MROH1: variants seen among roughly 807,000 people sequenced by gnomAD.
MROH1 encodes the protein maestro heat-like repeat-containing protein family member 1.
MROH1 carries 117 observed loss-of-function variants against 116.5 expected under a neutral mutation model. That is an observed-to-expected ratio of 1.00 (90% CI 0.86 to 1.17). The LOEUF (loss-of-function observed/expected upper bound fraction) is 1.17, where lower values mean the gene tolerates loss of function less well. MROH1 is among the 50% of genes most tolerant of loss of function. MROH1 has a pLI of 0.00. For missense variants in MROH1, 1,873 were observed against 1,338.5 expected (o/e 1.40, Z -6.23); for synonymous variants, 921 against 583.9 (o/e 1.58, Z -8.32).
chr8:144,190,842 A>G lies in MROH1; in HGVS notation c.621A>G (p.Pro207=). ...ACCTAGCCAACCTGGACCGAGCCCC[A>G]GACCCCACGGTCAGGAAGGACGCCT... ...LEYLANLDRA[P]DPTVRKDAFA... is the part of the protein sequence containing the mutation. Residue 207 remains proline, a synonymous_variant, in exon 8 of 44, where the codon CCA becomes CCG. Coordinates refer to ENST00000326134, the MANE Select transcript of MROH1 (RefSeq NM_032450.3). The G allele has an allele frequency of 6.2e-7, 1 of 1,613,810 alleles. No homozygotes were observed. Among genetic ancestry groups the G allele is most frequent in the Non-Finnish European group, 8.5e-7 (1 of 1,179,866 alleles).
intron 3 of MROH1, among the ~76,000 whole-genome samples, chr8:144,166,376 G>A (rs1309128917): frequency 1.3e-5 from 2 of 152,196 alleles, no homozygotes; most frequent in South Asian, 2.1e-4. Context: ...TGCTCGGAGC[G>A]GGAGGCTCCC....
chr8:144,224,011 C>G (rs559626910), intron 14 of MROH1, among the ~76,000 whole-genome samples: 1 of 152,340 alleles, frequency 6.6e-6, no homozygotes, highest in Non-Finnish European at 1.5e-5. Flanking sequence ...CGCACACATG[C>G]CTGTTCTGCA....
chr8:144,240,650 C>T lies in MROH1; in HGVS notation c.1908C>T (p.Pro636=). ...QLSLELCRQL[P]CYDEAPQEKN... The stretch of plus-strand genomic sequence containing the variant: ...GCCTGGAGCTGTGCAGGCAGCTGCC[C>T]TGCTACGATGAGGCACCCCAGGAGA... The change falls in exon 20 of 44, where the codon CCC becomes CCT. Residue 636 remains proline, a synonymous_variant. Transcript: ENST00000326134. The T allele has an allele frequency of 1.4e-6, 1 of 717,402 alleles. No individual in the cohort carries two copies. Among genetic ancestry groups the T allele is most frequent in the Admixed American group, 2.0e-5 (1 of 50,020 alleles). The allele number at this position is 717,402 out of a possible 1,614,324, so 44.4% of individuals were successfully genotyped here.
At position 144,244,463 on chromosome 8, in the gene MROH1, T is replaced by C; in HGVS notation, c.2690T>C (p.Leu897Pro). 1.3e-6 allele frequency: 1 copy of C among 769,630 alleles called. No homozygotes were observed. The highest frequency in any genetic ancestry group is 2.4e-6 in the Non-Finnish European group (1 of 412,838). 47.7% of individuals were successfully genotyped at this position (769,630 alleles called of 1,614,324 possible). The change falls in exon 28 of 44, where the codon CTG (leucine) becomes CCG (proline). Residue 897 changes from leucine (L) to proline (P), a missense_variant. Coordinates refer to ENST00000326134, the MANE Select transcript of MROH1 (RefSeq NM_032450.3). The part of the protein sequence containing the change: ...GCQKSLYLET[L>P]HALEDLLTSL... ...TTCCAGTCCCTGTATCTGGAGACAC[T>C]GCACGCCCTTGAGGATCTGCTGACG... is the stretch of plus-strand genomic sequence containing the variant.
In MROH1 at chr8:144,241,396, G is replaced by A. The variant is rs1840958236; in HGVS notation, c.2057G>A (p.Gly686Asp). Residue 686 changes from glycine to aspartate, a missense_variant and splice_region_variant, in exon 22 of 44, where the codon GGC becomes GAC. Transcript: ENST00000326134. ...CGGGGTAAGTGTGCTGCCCCCCAGG[G>A]CCTCGCCTGCTGCTTCGGGATCTGT... ...ARYQEEAERE[G>D]LACCFGICAI... 1 of 775,556 alleles carries A rather than the reference G, an allele frequency of 1.3e-6. No homozygotes were observed. Among genetic ancestry groups the A allele is most frequent in the Non-Finnish European group, 2.4e-6 (1 of 416,460 alleles). 48.0% of individuals were successfully genotyped at this position (775,556 alleles called of 1,614,324 possible).
intron 1 of MROH1, among the ~76,000 whole-genome samples, chr8:144,160,499 C>T (rs1229366319): frequency 1.3e-5 from 2 of 152,262 alleles, no homozygotes; most frequent in Non-Finnish European, 2.9e-5. Context: ...TTATCACAAA[C>T]TTAGTGCCTT....
chr8:144,258,956 C>T (rs1844445168), intron 36 of MROH1, 42 bp downstream of exon 36: 2 of 697,610 alleles, frequency 2.9e-6, no homozygotes, highest in Non-Finnish European at 5.3e-6. Flanking sequence ...ACTGGCTGGG[C>T]TCCACCGGAT....
At chr8:144,196,539 TAGAGAC>T (rs1829947619) in intron 10 of MROH1, among the ~76,000 whole-genome samples, 1 of 151,386 alleles carries the variant, frequency 6.6e-6, no homozygotes, top group Admixed American at 6.6e-5. Context: ...GTATTTTTAA[TAGAGAC>T]AGGGTTTCAC....
rs976703724 is a variant in MROH1, at chr8:144,261,843, G to A, written c.*103G>A. On this transcript the variant is annotated 3_prime_UTR_variant, in exon 44 of 44. Coordinates refer to ENST00000326134, the MANE Select transcript of MROH1 (RefSeq NM_032450.3). Reference sequence around the variant, plus strand: ...CACAGCCTGGGCACACGACTGGAGGGGCCTGGCCCCAGAACAGGCACTGCT... The same window carrying A: ...CACAGCCTGGGCACACGACTGGAGGAGCCTGGCCCCAGAACAGGCACTGCT... 2.2e-5 allele frequency: 15 copies of A among 696,300 alleles called. No homozygotes were observed. Among genetic ancestry groups the A allele is most frequent in the Non-Finnish European group, 3.7e-5 (14 of 382,650 alleles). 43.1% of individuals were successfully genotyped at this position (696,300 alleles called of 1,614,324 possible). A position where few individuals can be genotyped will look rare whatever the true frequency, so the allele number is the denominator to read the frequency against.
chr8:144,179,223 C>T lies in MROH1; in HGVS notation c.169-232C>T, dbSNP rs1824897835. On this transcript the variant is annotated intron_variant, in intron 4 of 43. Transcript: ENST00000326134. ...GAGAAGCCCCCCGCCTCGCCCTCTG[C>T]ATGTTGGTTGTCTGGCGCAGGATAA... is the stretch of plus-strand genomic sequence containing the variant. Among the ~76,000 whole-genome samples, 3 of 152,164 alleles carry T rather than the reference C, an allele frequency of 2.0e-5. No individual in the cohort carries two copies. The South Asian group carries it at 6.2e-4, about 32-fold the overall frequency.
Position 144,259,354 on chromosome 8 carries a change from G to A in MROH1, c.4044G>A (p.Glu1348=). ...QRVTTTAFLA[E]LLNSNVANDL... is the part of the protein sequence containing the mutation. Reference sequence around the variant, plus strand: ...TGACCACCACCGCCTTCCTGGCCGAGGTAGGCCCTTCCAGGGACGGATGCT... The same window carrying A: ...TGACCACCACCGCCTTCCTGGCCGAAGTAGGCCCTTCCAGGGACGGATGCT... The change falls in exon 37 of 44, where the codon GAG becomes GAA. Residue 1348 remains glutamate (E), a splice_region_variant and synonymous_variant. Coordinates refer to ENST00000326134, the MANE Select transcript of MROH1 (RefSeq NM_032450.3). 1.4e-6 allele frequency: 1 copy of A among 715,068 alleles called. No homozygotes were observed. Among genetic ancestry groups the A allele is most frequent in the South Asian group, 1.5e-5 (1 of 67,502 alleles). 44.3% of individuals were successfully genotyped at this position (715,068 alleles called of 1,614,324 possible).
chr8:144,187,003 CAGG>C (rs1404714409), intron 7 of MROH1, among the ~76,000 whole-genome samples: 1 of 151,766 alleles, frequency 6.6e-6, no homozygotes, highest in Non-Finnish European at 1.5e-5. Flanking sequence ...GAGGCTGAGG[CAGG>C]AGAATTGCTT....
At position 144,261,050 on chromosome 8, in the gene MROH1, T is replaced by TGGGGCCAGGCGGGGCGTGGTGGGTGGGGC; in HGVS notation, c.4671+22_4672-23dup. 3.9e-5 allele frequency: 6 copies of TGGGGCCAGGCGGGGCGTGGTGGGTGGGGC among 153,430 alleles called. No homozygotes were observed. The highest frequency in any genetic ancestry group is 1.5e-4 in the Admixed American group (2 of 13,100). 9.5% of individuals were successfully genotyped at this position (153,430 alleles called of 1,614,324 possible). ...CCACCTGCAAGCACCTGGTGAGGGG[T>TGGGGCCAGGCGGGGCGTGGTGGGTGGGGC]GGGGCCAGGCGGGGCGTGGTGGGTG... On this transcript the variant is annotated intron_variant, in intron 41 of 43. Transcript: ENST00000326134.
Position 144,243,904 on chromosome 8 carries a change from T to C in MROH1, c.2517T>C (p.Pro839=), listed in dbSNP as rs1841429511. 26 of 780,396 alleles carry C rather than the reference T, an allele frequency of 3.3e-5. No homozygotes were observed. In the South Asian group the frequency reaches 3.4e-4, roughly 10 times the overall value. 48.3% of individuals were successfully genotyped at this position (780,396 alleles called of 1,614,324 possible). A position where few individuals can be genotyped will look rare whatever the true frequency, so the allele number is the denominator to read the frequency against. ...AGCCCCCGGACTCCTTGAGGACACCTATTCGGAAGAAAGCCATGCTCACCT... is the reference window on the plus strand; with the variant it reads ...AGCCCCCGGACTCCTTGAGGACACCCATTCGGAAGAAAGCCATGCTCACCT... The part of the protein sequence containing the change: ...RAEPPDSLRT[P]IRKKAMLTCT... Residue 839 remains proline (P), a synonymous_variant, in exon 26 of 44, where the codon CCT becomes CCC. Transcript: ENST00000326134.
intron 12 of MROH1, among the ~76,000 whole-genome samples, chr8:144,211,925 C>T (rs1445518771): frequency 1.3e-5 from 2 of 152,160 alleles, no homozygotes; most frequent in Non-Finnish European, 2.9e-5. Flanking sequence ...AAGCGGCAGC[C>T]TCTTGAGATC....
intron 12 of MROH1, among the ~76,000 whole-genome samples, chr8:144,204,524 C>T (rs1832413340): frequency 6.6e-6 from 1 of 152,208 alleles, no homozygotes; most frequent in South Asian, 2.1e-4. Context: ...TGTATTTATT[C>T]ACCAACCAGG....
In MROH1 at chr8:144,231,408, T is replaced by C. The variant is rs368202722; in HGVS notation, c.1339-7348T>C. ...GGCCGGGCAGAGGCACTCTGGCCTC[T>C]GATTTAAAGTGAGAGGTGTGCGGCT... On this transcript the variant is annotated intron_variant, in intron 14 of 43. Coordinates refer to ENST00000326134, the MANE Select transcript of MROH1 (RefSeq NM_032450.3). Among the ~76,000 whole-genome samples, 96 of 152,320 alleles carry C rather than the reference T, an allele frequency of 6.3e-4. 1 individual carries two copies. In the East Asian group the frequency reaches 0.018, roughly 28 times the overall value.
chr8:144,196,477 C>A (rs1014301193), intron 10 of MROH1, among the ~76,000 whole-genome samples: 13 of 151,432 alleles, frequency 8.6e-5, no homozygotes, highest in African/African-American at 3.1e-4. Flanking sequence ...CTGCCTCAGC[C>A]TCCCGAGTAG....
At chr8:144,251,659 T>G (rs1842864955) in intron 33 of MROH1, 1 of 152,368 alleles carries the variant, frequency 6.6e-6, no homozygotes, top group Non-Finnish European at 1.5e-5. Context: ...CGTTGACTTG[T>G]ATTTCCTCCG....
Sources: gnomAD v4.1 joint callset for allele counts (sites outside exome capture counted in the v4.1 genomes callset) on GRCh38, gnomAD v4.1.1 for gene constraint, MANE v1.5 for transcripts, NCBI Gene and HGNC (gene_info 2026-07-23, HGNC 2026-07-21) for gene names.